GNG7: variants seen among roughly 807,000 people sequenced by gnomAD.
The protein encoded by GNG7 is G protein subunit gamma 7, also known as guanine nucleotide-binding protein G(I)/G(S)/G(O) subunit gamma-7.
Under a neutral mutation model 4.0 loss-of-function variants are expected in GNG7, and 1 was observed. The observed-to-expected ratio is 0.25, with a 90% confidence interval of 0.09 to 1.18. GNG7 has a LOEUF of 1.18. Among genes scored for constraint, GNG7 ranks in the 50% most tolerant of loss-of-function variants. The pLI is 0.50. For synonymous variants in GNG7, 34 were observed against 36.9 expected, an observed-to-expected ratio of 0.92 and a Z score of 0.29; for missense variants, 86 against 91.9, an observed-to-expected ratio of 0.94 and a Z score of 0.26.
chr19:2,602,912 T>TCTTTTCTTTCTTC (rs1568259336), intron 2 of GNG7, among the ~76,000 whole-genome samples: 1 of 151,592 alleles, frequency 6.6e-6, no homozygotes, highest in Non-Finnish European at 1.5e-5. Context: ...TTTCTTTCTT[T>TCTTTTCTTTCTTC]CTTTCTTTCT....
intron 1 of GNG7, among the ~76,000 whole-genome samples, chr19:2,696,484 A>G (rs1913268394): frequency 6.6e-6 from 1 of 152,240 alleles, no homozygotes; most frequent in South Asian, 2.1e-4. Context: ...GCTTCAGTGC[A>G]GTGGACTGCC....
At chr19:2,642,924 G>GTCT (rs1599437671) in intron 2 of GNG7, 5 of 386,560 alleles carry the variant, frequency 1.3e-5, no homozygotes, top group African/African-American at 2.9e-5. Context: ...CGGAAATGCA[G>GTCT]GAGACCTCTC....
intron 1 of GNG7, among the ~76,000 whole-genome samples, chr19:2,696,322 GAAAGAAA>G (rs1913254060): frequency 1.5e-5 from 2 of 130,294 alleles, no homozygotes; most frequent in Non-Finnish European, 3.2e-5. Context: ...AAGAAAGAAA[GAAAGAAA>G]GAAAGAAAGA....
chr19:2,622,975 T>G (rs535721335), intron 2 of GNG7, among the ~76,000 whole-genome samples: 1 of 152,150 alleles, frequency 6.6e-6, no homozygotes, highest in East Asian at 1.9e-4. Flanking sequence ...TTCCTGGGGG[T>G]GTGTGGCCAA....
intron 3 of GNG7, among the ~76,000 whole-genome samples, chr19:2,547,824 G>C (rs764936773): frequency 3.3e-5 from 5 of 152,232 alleles, no homozygotes; most frequent in African/African-American, 4.8e-5. Context: ...GGCCCAGGCA[G>C]CCCTCGGATG....
intron 1 of GNG7, among the ~76,000 whole-genome samples, chr19:2,662,707 G>A (rs187118083): frequency 4.7e-4 from 71 of 152,220 alleles, no homozygotes; most frequent in African/African-American, 1.4e-3. Context: ...TCCAAACCCC[G>A]TCCTTTTGAA....
chr19:2,594,432 AAGGAAGGAAGGAAGG>A (rs1314605316), intron 2 of GNG7, among the ~76,000 whole-genome samples: 3,284 of 142,478 alleles, frequency 0.023, 112 homozygotes, highest in African/African-American at 0.082. Context: ...GGAAGGAAGG[AAGGAAGGAAGGAAGG>A]AGGAAGAAAG....
intron 1 of GNG7, among the ~76,000 whole-genome samples, chr19:2,684,294 G>A (rs1312507463): frequency 1.3e-5 from 2 of 151,920 alleles, no homozygotes; most frequent in South Asian, 2.1e-4. Context: ...CCGCCACCAC[G>A]CCCGGATAAT....
intron 2 of GNG7, among the ~76,000 whole-genome samples, chr19:2,598,611 C>T (rs537430973): frequency 6.6e-5 from 10 of 151,144 alleles, no homozygotes; most frequent in Non-Finnish European, 1.2e-4. Flanking sequence ...GAGCTGAGAT[C>T]GCGCCACTGC....
chr19:2,661,427 T>C (rs1343200260), intron 1 of GNG7, among the ~76,000 whole-genome samples: 1 of 149,018 alleles, frequency 6.7e-6, no homozygotes, highest in East Asian at 2.0e-4. Flanking sequence ...GAGGCCAAGG[T>C]TGGGGCAGGT....
At chr19:2,615,645 AG>A (rs1284521443) in intron 2 of GNG7, among the ~76,000 whole-genome samples, 1 of 150,016 alleles carries the variant, frequency 6.7e-6, no homozygotes, top group Non-Finnish European at 1.5e-5. Context: ...TTGTATTTTT[AG>A]TAGACATGGG....
chr19:2,520,580 T>C (rs369190563), intron 4 of GNG7, 28 bp downstream of exon 4: 53 of 1,374,642 alleles, frequency 3.9e-5, no homozygotes, highest in Non-Finnish European at 9.1e-6. Flanking sequence ...GTCTCTCCCC[T>C]CCTCTTCCTG....
chr19:2,648,913 G>C (rs1257302051), intron 1 of GNG7, among the ~76,000 whole-genome samples: 2 of 151,206 alleles, frequency 1.3e-5, no homozygotes, highest in East Asian at 3.9e-4. Flanking sequence ...TTTTGAGACA[G>C]GGCCTCACTC....
At chr19:2,568,793 T>C (rs1289727969) in intron 2 of GNG7, among the ~76,000 whole-genome samples, 3 of 147,554 alleles carry the variant, frequency 2.0e-5, no homozygotes, top group Non-Finnish European at 3.0e-5. Flanking sequence ...TACACACATA[T>C]ACACGCACAT....
At position 2,512,820 on chromosome 19, in the gene GNG7, G is replaced by T; in HGVS notation, c.*2202C>A. The T allele has an allele frequency of 2.6e-6, 2 of 783,688 alleles. No individual in the cohort carries two copies. Among genetic ancestry groups the T allele is most frequent in the Non-Finnish European group, 3.1e-6 (2 of 645,292 alleles). The allele number at this position is 783,688 out of a possible 1,614,324, so 48.5% of individuals were successfully genotyped here. ...CTTGTTGGAAAGGGTGGAGGCAGGC[G>T]GGCTCTCCCTGCCTGGGGTCCTCCC... On this transcript the variant is annotated 3_prime_UTR_variant, in exon 5 of 5. Coordinates refer to ENST00000382159, the MANE Select transcript of GNG7 (RefSeq NM_052847.3). This position sits in a 1 kb window ranked among gnomAD's most constrained non-coding sequence, Gnocchi z 4.7.
In GNG7 at chr19:2,557,813, G is replaced by A. The variant is rs546580707; in HGVS notation, c.-77-2625C>T. On this transcript the variant is annotated intron_variant, in intron 2 of 4. Transcript: ENST00000382159. This position sits in a 1 kb window ranked among gnomAD's most constrained non-coding sequence, Gnocchi z 5.1. ...GGGAACCACAGCTCCTTATTCTGAT[G>A]GGGTGACTCGGTGCATTTCTCTCTC... 1.2e-3 allele frequency among the ~76,000 whole-genome samples: 178 copies of A among 152,206 alleles called. No homozygotes were observed. Among genetic ancestry groups the A allele is most frequent in the African/African-American group, 4.1e-3 (172 of 41,534 alleles).
Position 2,542,727 on chromosome 19 carries a change from G to A in GNG7, c.-38+12422C>T, listed in dbSNP as rs554009943. Among the ~76,000 whole-genome samples the A allele has an allele frequency of 3.9e-4, 60 of 152,258 alleles. 1 individual carries two copies. The highest frequency in any genetic ancestry group is 1.4e-3 in the African/African-American group (59 of 41,552). On this transcript the variant is annotated intron_variant, in intron 3 of 4. Coordinates refer to ENST00000382159, the MANE Select transcript of GNG7 (RefSeq NM_052847.3). Reference sequence around the variant, plus strand: ...AGGAGCTGATACGCAAGGCCAGGATGGGACTGGTTGGGGTCTCCAGGCTGG... The same window carrying A: ...AGGAGCTGATACGCAAGGCCAGGATAGGACTGGTTGGGGTCTCCAGGCTGG...
At position 2,557,607 on chromosome 19, in the gene GNG7, G is replaced by T. The variant is rs577673570; in HGVS notation, c.-77-2419C>A. 2.5e-4 allele frequency among the ~76,000 whole-genome samples: 25 copies of T among 100,332 alleles called. No individual in the cohort carries two copies. The South Asian group carries it at 8.3e-3, about 33-fold the overall frequency. The allele number at this position is 100,332 out of a possible 152,430, so 65.8% of individuals were successfully genotyped here. On this transcript the variant is annotated intron_variant, in intron 2 of 4. Transcript: ENST00000382159. This position sits in a 1 kb window ranked among gnomAD's most constrained non-coding sequence, Gnocchi z 5.1. ...GAGAAAGACGGGAAGTTAGACTTCT[G>T]ACCCATCACAAACTCTGAGTCAAAG...
In GNG7 at chr19:2,513,218, C is replaced by T. The variant is rs761850831; in HGVS notation, c.*1804G>A. On this transcript the variant is annotated 3_prime_UTR_variant, in exon 5 of 5. Transcript: ENST00000382159. ...AGGAAGTGAGCCAAGCAGGGATCCC[C>T]GCCTCACGGGCCTGCACGGAGGACC... 262 of 821,740 alleles carry T rather than the reference C, an allele frequency of 3.2e-4. No individual in the cohort carries two copies. Among genetic ancestry groups the T allele is most frequent in the Non-Finnish European group, 3.8e-4 (258 of 680,616 alleles). 50.9% of individuals were successfully genotyped at this position (821,740 alleles called of 1,614,324 possible). A position where few individuals can be genotyped will look rare whatever the true frequency, so the allele number is the denominator to read the frequency against.
Sources: allele counts gnomAD v4.1 joint callset (sites outside exome capture counted in the v4.1 genomes callset), GRCh38; gene constraint gnomAD v4.1.1; non-coding constraint Gnocchi (gnomAD v3.1); transcripts MANE v1.5; gene names NCBI Gene and HGNC (gene_info 2026-07-23, HGNC 2026-07-21).